The following TBX20 variants were observed in gnomAD, a reference collection of about 807,000 sequenced individuals.
The protein encoded by TBX20 is T-box transcription factor 20.
A neutral mutation model predicts 42.9 loss-of-function variants in TBX20; 8 were observed. The observed-to-expected ratio is 0.19, with a 90% confidence interval of 0.11 to 0.34. The LOEUF is 0.34. Ranked by LOEUF, TBX20 falls within the 10% of genes least tolerant of loss-of-function variation. TBX20 has a pLI of 1.00. For missense variants in TBX20, 411 were observed against 566.0 expected (o/e 0.73, Z 2.78); for synonymous variants, 198 against 222.8 (o/e 0.89, Z 0.99).
rs1187632612 is a variant in TBX20 at position 35,231,583 on chromosome 7, G to A, written c.814-3C>T. On this transcript the variant is annotated splice_polypyrimidine_tract_variant and splice_region_variant and intron_variant, in intron 5 of 7. Coordinates refer to ENST00000408931, the MANE Select transcript of TBX20 (RefSeq NM_001077653.2). ...CTATCTATTTTCAGCTTCGTTATCTGGAGAAAGAATGGGTACAAAACAGTA... is the reference window on the plus strand; with the variant it reads ...CTATCTATTTTCAGCTTCGTTATCTAGAGAAAGAATGGGTACAAAACAGTA... The A allele has an allele frequency of 1.2e-6, 2 of 1,604,748 alleles. No homozygotes were observed. The highest frequency in any genetic ancestry group is 1.7e-5 in the Admixed American group (1 of 59,958).
At chr7:35,238,713 C>T (rs1426635372) in intron 5 of TBX20, among the ~76,000 whole-genome samples, 1 of 152,182 alleles carries the variant, frequency 6.6e-6, no homozygotes, top group Admixed American at 6.5e-5. Flanking sequence ...GTGCTTTAGG[C>T]CTTTGTAGGC....
At chr7:35,230,555 G>A (rs1211974984) in intron 6 of TBX20, among the ~76,000 whole-genome samples, 1 of 152,084 alleles carries the variant, frequency 6.6e-6, no homozygotes, top group Non-Finnish European at 1.5e-5. Flanking sequence ...GGAAGGCTTA[G>A]GAAGGCTGAG....
chr7:35,247,851 T>C (rs1364280425), intron 3 of TBX20, among the ~76,000 whole-genome samples: 1 of 152,248 alleles, frequency 6.6e-6, no homozygotes, highest in Non-Finnish European at 1.5e-5. Flanking sequence ...TGTTTTGTTT[T>C]GTATTAAAGT....
intron 6 of TBX20, among the ~76,000 whole-genome samples, chr7:35,226,856 A>G (rs1388514837): frequency 6.6e-6 from 1 of 152,054 alleles, no homozygotes; most frequent in Non-Finnish European, 1.5e-5. Flanking sequence ...TACTCCTTCT[A>G]CTTATCAAAA....
chr7:35,214,988 GT>G (rs1411544205), intron 6 of TBX20, among the ~76,000 whole-genome samples: 1 of 151,972 alleles, frequency 6.6e-6, no homozygotes, highest in Non-Finnish European at 1.5e-5. Flanking sequence ...CACTTAATTT[GT>G]TTTTTAAAAA....
chr7:35,253,355 A>G (rs1790341303), intron 1 of TBX20, 139 bp downstream of exon 1: 12 of 1,024,790 alleles, frequency 1.2e-5, no homozygotes, highest in East Asian at 2.6e-5. Context: ...CTTGGACCCA[A>G]AAGAAAAAGA....
At chr7:35,215,596 GGATT>G (rs1789575951) in intron 6 of TBX20, among the ~76,000 whole-genome samples, 1 of 152,028 alleles carries the variant, frequency 6.6e-6, no homozygotes, top group South Asian at 2.1e-4. Context: ...ACTTAACTTT[GGATT>G]TAATAAGGTA....
chr7:35,230,751 A>G lies in TBX20; in HGVS notation c.890+753T>C, dbSNP rs1789852848. ...AATCAGTGGTTCTGGTGGCTAGGGA[A>G]CTTCCCTGGTCAATTAAGACATTGG... On this transcript the variant is annotated intron_variant, in intron 6 of 7. Transcript: ENST00000408931. Among the ~76,000 whole-genome samples the G allele has an allele frequency of 2.0e-5, 3 of 152,132 alleles. No individual in the cohort carries two copies. The South Asian group carries it at 6.2e-4, about 31-fold the overall frequency.
intron 5 of TBX20, among the ~76,000 whole-genome samples, chr7:35,238,652 A>T (rs1486895549): frequency 6.6e-6 from 1 of 152,240 alleles, no homozygotes; most frequent in Non-Finnish European, 1.5e-5. Context: ...AAATAAATTA[A>T]AAACAGGATT....
At chr7:35,240,520 A>T (rs1320163245) in intron 5 of TBX20, among the ~76,000 whole-genome samples, 1 of 152,194 alleles carries the variant, frequency 6.6e-6, no homozygotes, top group Non-Finnish European at 1.5e-5. Context: ...AATTGAGCAG[A>T]GAAACTGAAC....
chr7:35,204,937 G>T (rs867195936), intron 6 of TBX20, among the ~76,000 whole-genome samples: 1 of 152,302 alleles, frequency 6.6e-6, no homozygotes, highest in Middle Eastern at 3.4e-3. Flanking sequence ...ACTGCAAGGA[G>T]CTGCAATGAC....
chr7:35,224,153 T>C (rs144179172), intron 6 of TBX20, among the ~76,000 whole-genome samples: 165 of 152,318 alleles, frequency 1.1e-3, no homozygotes, highest in Middle Eastern at 6.8e-3. Flanking sequence ...ATGGACAAGA[T>C]TGATAAAATC....
At chr7:35,219,697 C>T (rs907200342) in intron 6 of TBX20, among the ~76,000 whole-genome samples, 1 of 152,226 alleles carries the variant, frequency 6.6e-6, no homozygotes, top group African/African-American at 2.4e-5. Context: ...ATGAAAGATC[C>T]AGGAATTATT....
intron 1 of TBX20, 82 bp from the exon 2 acceptor site, chr7:35,250,285 C>A: frequency 1.3e-6 from 2 of 1,554,104 alleles, no homozygotes; most frequent in South Asian, 2.3e-5. Context: ...ACCAAATGGT[C>A]ACTTGGATTT....
At chr7:35,222,331 A>G (rs1185445769) in intron 6 of TBX20, among the ~76,000 whole-genome samples, 1 of 152,174 alleles carries the variant, frequency 6.6e-6, no homozygotes, top group South Asian at 2.1e-4. Flanking sequence ...TAATAAAGGG[A>G]AAAAACTTGA....
In TBX20 at chr7:35,253,734, C is replaced by T. The variant is rs573172000; in HGVS notation, c.-114G>A. 6.0e-5 allele frequency: 83 copies of T among 1,378,244 alleles called. No individual in the cohort carries two copies. In the East Asian group the frequency reaches 2.0e-3, roughly 33 times the overall value. The allele number at this position is 1,378,244 out of a possible 1,614,324, so 85.4% of individuals were successfully genotyped here. ...TCAAAGTTTCCGAGAGCAGTCACAGCGGGGCCAGGGACTCCAGAAGTGTCA... is the reference window on the plus strand; with the variant it reads ...TCAAAGTTTCCGAGAGCAGTCACAGTGGGGCCAGGGACTCCAGAAGTGTCA... On this transcript the variant is annotated 5_prime_UTR_variant, in exon 1 of 8. Coordinates refer to ENST00000408931, the MANE Select transcript of TBX20 (RefSeq NM_001077653.2).
chr7:35,232,095 TATACATGACATAA>T (rs1028179210), intron 5 of TBX20, among the ~76,000 whole-genome samples: 2 of 152,206 alleles, frequency 1.3e-5, no homozygotes, highest in African/African-American at 4.8e-5. Context: ...ATGATATTGA[TATACATGACATAA>T]ATACATGACA....
rs1209057812 is a variant in TBX20 at position 35,245,557 on chromosome 7, T to C, written c.546-500A>G. Among the ~76,000 whole-genome samples, 4 of 152,312 alleles carry C rather than the reference T, an allele frequency of 2.6e-5. No homozygotes were observed. In the East Asian group the frequency reaches 7.7e-4, roughly 29 times the overall value. On this transcript the variant is annotated intron_variant, in intron 3 of 7. Transcript: ENST00000408931. ...TTTAAACTTAAAGTTTTAAAGTTTG[T>C]GTTCTTTGTAAATATAAGATGGAGC... is the stretch of plus-strand genomic sequence containing the variant.
intron 5 of TBX20, among the ~76,000 whole-genome samples, chr7:35,240,526 T>C (rs531077654): frequency 3.9e-5 from 6 of 152,244 alleles, no homozygotes; most frequent in Admixed American, 2.6e-4. Context: ...GCAGAGAAAC[T>C]GAACTTTTAA....
Sources: gnomAD v4.1 joint callset for allele counts (sites outside exome capture counted in the v4.1 genomes callset) on GRCh38, gnomAD v4.1.1 for gene constraint, MANE v1.5 for transcripts, NCBI Gene and HGNC (gene_info 2026-07-23, HGNC 2026-07-21) for gene names.